ALG8: variants seen among roughly 807,000 people sequenced by gnomAD.
The protein encoded by ALG8 is dolichyl pyrophosphate Glc1Man9GlcNAc2 alpha-1,3-glucosyltransferase.
A neutral mutation model predicts 70.2 loss-of-function variants in ALG8; 48 were observed. The ratio of observed to expected loss-of-function variants is 0.68; its 90% confidence interval spans 0.54 to 0.87. The LOEUF (loss-of-function observed/expected upper bound fraction) is 0.87. ALG8 is among the 40% of genes least tolerant of loss of function. ALG8 has a pLI of 0.00. For missense variants in ALG8, 572 were observed against 608.7 expected (o/e 0.94, Z 0.64); for synonymous variants, 234 against 229.0 (o/e 1.02, Z -0.20).
intron 4 of ALG8, among the ~76,000 whole-genome samples, chr11:78,119,631 A>G (rs889353166): frequency 1.3e-5 from 2 of 151,990 alleles, no homozygotes; most frequent in Non-Finnish European, 2.9e-5. Flanking sequence ...GGGTTTCACT[A>G]TGTTGGCCAG....
chr11:78,114,257 A>G lies in ALG8; in HGVS notation c.673+9T>C. 2 of 1,614,036 alleles carry G rather than the reference A, an allele frequency of 1.2e-6. No individual in the cohort carries two copies. Among genetic ancestry groups the G allele is most frequent in the Non-Finnish European group, 1.7e-6 (2 of 1,179,988 alleles). ...CGAAAATGTTTTTGCTATTATTACC[A>G]AAACTTGCCTGGTTTATTTGCAGTG... On this transcript the variant is annotated intron_variant, in intron 6 of 12. Transcript: ENST00000299626.
chr11:78,110,319 T>C (rs1419577544), intron 8 of ALG8, among the ~76,000 whole-genome samples: 1 of 152,020 alleles, frequency 6.6e-6, no homozygotes, highest in African/African-American at 2.4e-5. Flanking sequence ...AGCCTCCCCA[T>C]TAACTGGGAT....
chr11:78,135,276 G>T (rs1861491435), intron 1 of ALG8: 1 of 151,868 alleles, frequency 6.6e-6, no homozygotes, highest in South Asian at 2.1e-4. Context: ...GATTGCTTGA[G>T]CCTGAAAGGT....
chr11:78,126,348 T>TG (rs1368779419), intron 2 of ALG8, among the ~76,000 whole-genome samples: 6 of 151,156 alleles, frequency 4.0e-5, no homozygotes, highest in Non-Finnish European at 5.9e-5. Context: ...CTGGCCAACA[T>TG]GGGGAAACCC....
intron 1 of ALG8, among the ~76,000 whole-genome samples, chr11:78,132,716 T>C (rs950921033): frequency 8.5e-5 from 13 of 152,062 alleles, no homozygotes; most frequent in Non-Finnish European, 1.9e-4. Context: ...TGGATGGCCC[T>C]CTCATTCACA....
At chr11:78,112,226 A>G (rs888748555) in intron 8 of ALG8, among the ~76,000 whole-genome samples, 5 of 152,154 alleles carry the variant, frequency 3.3e-5, no homozygotes, top group African/African-American at 1.2e-4. Flanking sequence ...GCAGTGCACT[A>G]TGATCTCAAC....
At chr11:78,126,854 T>A (rs1861101040) in intron 2 of ALG8, among the ~76,000 whole-genome samples, 1 of 152,206 alleles carries the variant, frequency 6.6e-6, no homozygotes, top group East Asian at 1.9e-4. Flanking sequence ...GTGGTAGATA[T>A]TATACCTCCC....
At chr11:78,134,116 T>C (rs1423177427) in intron 1 of ALG8, among the ~76,000 whole-genome samples, 3 of 151,880 alleles carry the variant, frequency 2.0e-5, no homozygotes, top group Non-Finnish European at 2.9e-5. Context: ...GTGCTGAAGA[T>C]TGGGGTGACT....
rs754501798 is a variant in ALG8, at chr11:78,114,261, C to A, written c.673+5G>T. On this transcript the variant is annotated splice_donor_5th_base_variant and intron_variant, in intron 6 of 12. Coordinates refer to ENST00000299626, the MANE Select transcript of ALG8 (RefSeq NM_024079.5). ...AATGTTTTTGCTATTATTACCAAAACTTGCCTGGTTTATTTGCAGTGAAAC... is the reference window on the plus strand; with the variant it reads ...AATGTTTTTGCTATTATTACCAAAAATTGCCTGGTTTATTTGCAGTGAAAC... 3 of 1,614,024 alleles carry A rather than the reference C, an allele frequency of 1.9e-6. No individual in the cohort carries two copies. Among genetic ancestry groups the A allele is most frequent in the South Asian group, 2.2e-5 (2 of 91,080 alleles).
In ALG8 at chr11:78,103,969, T is replaced by G; in HGVS notation, c.1349+11A>C. 1 of 1,413,202 alleles carries G rather than the reference T, an allele frequency of 7.1e-7. No homozygotes were observed. The highest frequency in any genetic ancestry group is 1.0e-6 in the Non-Finnish European group (1 of 1,004,878). 87.5% of individuals were successfully genotyped at this position (1,413,202 alleles called of 1,614,324 possible). ...AAGAGTAAGTATAATTTTAAACATT[T>G]TTTTGATTACCTGAATAAAGTCTTC... On this transcript the variant is annotated intron_variant, in intron 12 of 12. Coordinates refer to ENST00000299626, the MANE Select transcript of ALG8 (RefSeq NM_024079.5).
Position 78,136,620 on chromosome 11 carries a change from C to A in ALG8, c.95+2874G>T, listed in dbSNP as rs539042937. Among the ~76,000 whole-genome samples the A allele has an allele frequency of 2.0e-5, 3 of 152,296 alleles. No individual in the cohort carries two copies. The East Asian group carries it at 5.8e-4, about 29-fold the overall frequency. On this transcript the variant is annotated intron_variant, in intron 1 of 12. Transcript: ENST00000299626. ...ATGCTGTAAATAGATGTGCTGTCATCCAGGGCTTTGTTGTTCCATTTATAG... is the reference window on the plus strand; with the variant it reads ...ATGCTGTAAATAGATGTGCTGTCATACAGGGCTTTGTTGTTCCATTTATAG...
intron 3 of ALG8, 42 bp from the exon 4 acceptor site, chr11:78,121,216 C>A: frequency 7.2e-7 from 1 of 1,381,312 alleles, no homozygotes; most frequent in South Asian, 1.2e-5. Context: ...CAACTTTGAT[C>A]TTCATCGGAA....
intron 1 of ALG8, among the ~76,000 whole-genome samples, chr11:78,131,033 C>A (rs955788130): frequency 6.6e-6 from 1 of 152,106 alleles, no homozygotes; most frequent in African/African-American, 2.4e-5. Flanking sequence ...ACAGCATTTA[C>A]AAAATCTGAG....
At chr11:78,117,156 T>G (rs1469771669) in intron 5 of ALG8, among the ~76,000 whole-genome samples, 1 of 152,190 alleles carries the variant, frequency 6.6e-6, no homozygotes, top group East Asian at 1.9e-4. Flanking sequence ...AGCCCCATTT[T>G]ACAACTAAGA....
intron 7 of ALG8, 26 bp downstream of exon 7, chr11:78,113,860 T>TAAAAAAAAAAAAA: frequency 1.0e-6 from 1 of 958,696 alleles, no homozygotes; most frequent in South Asian, 1.8e-5. Flanking sequence ...ATGTATTAAT[T>TAAAAAAAAAAAAA]GAAAAAAAAA....
intron 2 of ALG8, among the ~76,000 whole-genome samples, chr11:78,125,272 T>A (rs1187864166): frequency 6.6e-6 from 1 of 151,774 alleles, no homozygotes; most frequent in Non-Finnish European, 1.5e-5. Flanking sequence ...GACTTCGTGA[T>A]CCGCCCACTT....
rs59453362 is a variant in ALG8, at chr11:78,107,839, C to CA, written c.1039-894dup. On this transcript the variant is annotated intron_variant, in intron 9 of 12. Transcript: ENST00000299626. ...CCTAGGTGACAGACCGAGACTGTCT[C>CA]AAAAAAAAAAAAAAAAAAAAAAATT... The CA allele has an allele frequency of 8.9e-3, 685 of 77,000 alleles. 9 individuals are homozygous for CA. Among genetic ancestry groups the CA allele is most frequent in the African/African-American group, 0.01 (213 of 20,606 alleles). 4.8% of individuals were successfully genotyped at this position (77,000 alleles called of 1,614,324 possible).
At chr11:78,121,636 T>C (rs1286024072) in intron 3 of ALG8, among the ~76,000 whole-genome samples, 2 of 151,110 alleles carry the variant, frequency 1.3e-5, no homozygotes, top group African/African-American at 4.9e-5. Context: ...GCTGTGCTGA[T>C]CTAAAACAAA....
chr11:78,110,101 C>T (rs964649380), intron 8 of ALG8, among the ~76,000 whole-genome samples: 5 of 152,218 alleles, frequency 3.3e-5, no homozygotes, highest in Non-Finnish European at 7.3e-5. Flanking sequence ...CCAGGCAACT[C>T]CCTTTGCCAA....
Sources: gnomAD v4.1 joint callset for allele counts (sites outside exome capture counted in the v4.1 genomes callset) on GRCh38, gnomAD v4.1.1 for gene constraint, MANE v1.5 for transcripts, NCBI Gene and HGNC (gene_info 2026-07-23, HGNC 2026-07-21) for gene names.